CCDC171: variants seen among roughly 807,000 people sequenced by gnomAD.
CCDC171 encodes the protein coiled-coil domain containing 171, also known as coiled-coil domain-containing protein 171.
In CCDC171, 177 loss-of-function variants were observed where a neutral mutation model predicts 168.2. The ratio of observed to expected loss-of-function variants is 1.05; its 90% CI spans 0.93 to 1.19. The LOEUF is 1.19. Ranked by LOEUF, CCDC171 falls within the 50% of genes most tolerant of loss-of-function variation. The pLI, the probability that CCDC171 is intolerant of heterozygous loss-of-function variation, is 0.00. For synonymous variants in CCDC171, 687 were observed against 540.8 expected, an observed-to-expected ratio of 1.27 and a Z score of -3.75; for missense variants, 1,991 against 1,539.0, an observed-to-expected ratio of 1.29 and a Z score of -4.91.
At chr9:15,718,572 G>C (rs2053244103) in intron 11 of CCDC171, among the ~76,000 whole-genome samples, 1 of 152,234 alleles carries the variant, frequency 6.6e-6, no homozygotes, top group South Asian at 2.1e-4. Context: ...TCCTACTGGT[G>C]GTGGCCACAG....
At chr9:15,850,690 G>C (rs2061086506) in intron 23 of CCDC171, among the ~76,000 whole-genome samples, 1 of 151,996 alleles carries the variant, frequency 6.6e-6, no homozygotes, top group African/African-American at 2.4e-5. Flanking sequence ...TGAGTGATAA[G>C]GAGGTGGCCC....
At chr9:15,979,588 C>A (rs923451261) in intron 3 of CCDC171, among the ~76,000 whole-genome samples, 1 of 152,060 alleles carries the variant, frequency 6.6e-6, no homozygotes, top group Non-Finnish European at 1.5e-5. Flanking sequence ...TGATGTCTTA[C>A]ATTGATTGAT....
At chr9:15,651,962 C>T (rs910981013) in intron 7 of CCDC171, among the ~76,000 whole-genome samples, 3 of 152,046 alleles carry the variant, frequency 2.0e-5, no homozygotes, top group African/African-American at 7.2e-5. Context: ...GGCTGGAGTG[C>T]AGTGGCATGA....
chr9:15,670,593 T>C (rs528110569), intron 9 of CCDC171, among the ~76,000 whole-genome samples: 1 of 152,222 alleles, frequency 6.6e-6, no homozygotes, highest in South Asian at 2.1e-4. Flanking sequence ...CTTCTACTTA[T>C]ATATCTCTAT....
chr9:15,941,344 T>G (rs1325455175), intron 25 of CCDC171, among the ~76,000 whole-genome samples: 1 of 152,044 alleles, frequency 6.6e-6, no homozygotes, highest in Non-Finnish European at 1.5e-5. Flanking sequence ...ATTACTTTGT[T>G]TAACACTTCT....
chr9:15,576,638 T>C (rs916174166), intron 3 of CCDC171, among the ~76,000 whole-genome samples: 1 of 152,206 alleles, frequency 6.6e-6, no homozygotes, highest in Non-Finnish European at 1.5e-5. Flanking sequence ...ATGAAATGAT[T>C]GTAGGCTAAT....
chr9:15,750,243 C>A (rs1012553337), intron 18 of CCDC171, among the ~76,000 whole-genome samples: 1 of 152,086 alleles, frequency 6.6e-6, no homozygotes, highest in Non-Finnish European at 1.5e-5. Context: ...TTCCTGGACA[C>A]ATACACCCTC....
chr9:15,720,557 TATTTA>T (rs2053410904), intron 11 of CCDC171, among the ~76,000 whole-genome samples: 1 of 152,198 alleles, frequency 6.6e-6, no homozygotes, highest in Non-Finnish European at 1.5e-5. Flanking sequence ...TATATTGAAA[TATTTA>T]TATTATAAAA....
At chr9:16,050,174 AC>A (rs138172102) in intron 1 of CCDC171, among the ~76,000 whole-genome samples, 2,933 of 152,356 alleles carry the variant, frequency 0.019, 93 homozygotes, top group African/African-American at 0.066. Flanking sequence ...GGCATGAGCC[AC>A]CGCACCTGGC....
intron 21 of CCDC171, among the ~76,000 whole-genome samples, chr9:15,835,206 A>G (rs1008198306): frequency 6.6e-6 from 1 of 152,168 alleles, no homozygotes; most frequent in Non-Finnish European, 1.5e-5. Context: ...TCATTGAAAT[A>G]TTTCCCCCTC....
At chr9:15,598,224 C>A (rs146576800) in intron 6 of CCDC171, among the ~76,000 whole-genome samples, 2 of 152,156 alleles carry the variant, frequency 1.3e-5, no homozygotes, top group African/African-American at 4.8e-5. Context: ...TTCTCTAGTT[C>A]TTTTAATTGT....
chr9:16,037,813 T>A (rs1833500276), upstream of CCDC171, among the ~76,000 whole-genome samples: 2 of 151,854 alleles, frequency 1.3e-5, no homozygotes, highest in Admixed American at 1.3e-4. Flanking sequence ...AGGGAGTAAC[T>A]AAAGATATGG....
intron 3 of CCDC171, among the ~76,000 whole-genome samples, chr9:16,018,878 C>A (rs1194229193): frequency 6.6e-6 from 1 of 152,236 alleles, no homozygotes; most frequent in African/African-American, 2.4e-5. Context: ...AGCCATCAGT[C>A]AGGCCCACCA....
At chr9:15,889,719 G>T (rs1406372031) in intron 24 of CCDC171, among the ~76,000 whole-genome samples, 1 of 152,170 alleles carries the variant, frequency 6.6e-6, no homozygotes, top group East Asian at 1.9e-4. Flanking sequence ...TGGATGAAAT[G>T]CCTTGACACA....
intron 14 of CCDC171, among the ~76,000 whole-genome samples, chr9:15,725,939 C>T (rs2053774089): frequency 6.6e-6 from 1 of 152,116 alleles, no homozygotes; most frequent in Non-Finnish European, 1.5e-5. Context: ...AATATTATGA[C>T]ACAAATTTCA....
intron 3 of CCDC171, among the ~76,000 whole-genome samples, chr9:15,994,387 G>A (rs59103091): frequency 0.076 from 11,607 of 152,142 alleles, 1,451 homozygotes; most frequent in African/African-American, 0.26. Flanking sequence ...ATTGAACAAT[G>A]AGAACACTTG....
intron 11 of CCDC171, among the ~76,000 whole-genome samples, chr9:15,697,760 G>A (rs190874060): frequency 7.9e-4 from 121 of 152,282 alleles, no homozygotes; most frequent in African/African-American, 2.7e-3. Context: ...CTTTTTGCTG[G>A]TGGAGAGTCT....
At chr9:16,038,085 C>T (rs1833506530), upstream of CCDC171, among the ~76,000 whole-genome samples, 1 of 152,060 alleles carries the variant, frequency 6.6e-6, no homozygotes, top group South Asian at 2.1e-4. Context: ...AATTAGGCAG[C>T]AGATTTCTTG....
chr9:15,712,460 G>A (rs1270280823), intron 11 of CCDC171, among the ~76,000 whole-genome samples: 1 of 152,158 alleles, frequency 6.6e-6, no homozygotes, highest in Admixed American at 6.5e-5. Context: ...GAATCCTATG[G>A]AAACAATCTT....
Sources: allele counts gnomAD v4.1 joint callset (sites outside exome capture counted in the v4.1 genomes callset), GRCh38; gene constraint gnomAD v4.1.1; transcripts MANE v1.5; gene names NCBI Gene and HGNC (gene_info 2026-07-23, HGNC 2026-07-21).